ATP6V1E2: variants seen among roughly 807,000 people sequenced by gnomAD.
ATP6V1E2 encodes V-type proton ATPase subunit E 2.
For missense variants in ATP6V1E2, 308 were observed against 273.3 expected, an observed-to-expected ratio of 1.13 and a Z score of -0.90; for synonymous variants, 121 against 104.2, an observed-to-expected ratio of 1.16 and a Z score of -0.98.
intron 4 of ATP6V1E2, among the ~76,000 whole-genome samples, chr2:46,528,610 C>T (rs553867617): frequency 1.9e-4 from 29 of 152,350 alleles, no homozygotes; most frequent in African/African-American, 5.1e-4. Flanking sequence ...CTCCCTCTGC[C>T]TTGGAGGCTC....
intron 4 of ATP6V1E2, among the ~76,000 whole-genome samples, chr2:46,518,039 TG>T (rs1187410779): frequency 6.6e-6 from 1 of 152,142 alleles, no homozygotes; most frequent in Non-Finnish European, 1.5e-5. Context: ...CTTGAAGAAA[TG>T]TTTGCACACC....
chr2:46,524,121 AGT>A (rs1230824661), intron 4 of ATP6V1E2, among the ~76,000 whole-genome samples: 1 of 151,320 alleles, frequency 6.6e-6, no homozygotes, highest in African/African-American at 2.5e-5. Flanking sequence ...CAATTCGACA[AGT>A]TTTTGGGCTG....
chr2:46,518,274 T>A (rs1384261053), intron 4 of ATP6V1E2, among the ~76,000 whole-genome samples: 3 of 152,140 alleles, frequency 2.0e-5, no homozygotes, highest in Admixed American at 2.0e-4. Context: ...ATGATTCCAC[T>A]TATGGGATAT....
intron 2 of ATP6V1E2, among the ~76,000 whole-genome samples, chr2:46,540,443 A>AAAAG (rs1322145870): frequency 2.4e-4 from 36 of 150,782 alleles, no homozygotes; most frequent in African/African-American, 8.3e-4. Context: ...TCTCAAAAAA[A>AAAAG]AAAAAAAGAA....
chr2:46,542,532 G>A lies in ATP6V1E2; in HGVS notation c.-689C>T, dbSNP rs1203026168. On this transcript the variant is annotated 5_prime_UTR_variant, in exon 1 of 5. Coordinates refer to ENST00000522587, the MANE Select transcript of ATP6V1E2 (RefSeq NM_001318063.2). ...TCCGCGCGGCCCTCGCAGGGAGTGGGGCTCGGGTGCGCCGGCAGGGCCGCG... is the reference window on the plus strand; with the variant it reads ...TCCGCGCGGCCCTCGCAGGGAGTGGAGCTCGGGTGCGCCGGCAGGGCCGCG... The A allele has an allele frequency of 6.7e-6, 1 of 149,148 alleles. No individual in the cohort carries two copies. Among genetic ancestry groups the A allele is most frequent in the Non-Finnish European group, 1.5e-5 (1 of 67,330 alleles). The allele number at this position is 149,148 out of a possible 1,614,324, so 9.2% of individuals were successfully genotyped here.
chr2:46,538,948 GAC>G (rs1230378446), intron 2 of ATP6V1E2, among the ~76,000 whole-genome samples: 1 of 152,054 alleles, frequency 6.6e-6, no homozygotes, highest in Non-Finnish European at 1.5e-5. Flanking sequence ...CAGCCTGGGT[GAC>G]AGAGTGAGAC....
chr2:46,514,139 G>A (rs368785589), intron 4 of ATP6V1E2, among the ~76,000 whole-genome samples: 1 of 151,968 alleles, frequency 6.6e-6, no homozygotes, highest in African/African-American at 2.4e-5. Flanking sequence ...AATTAGCTGG[G>A]TGTGGTGGTG....
rs1235243049 is a variant in ATP6V1E2 at position 46,511,906 on chromosome 2, T to A, written c.*125A>T. 2.4e-6 allele frequency: 2 copies of A among 845,148 alleles called. No homozygotes were observed. Among genetic ancestry groups the A allele is most frequent in the African/African-American group, 3.5e-5 (2 of 57,876 alleles). 52.4% of individuals were successfully genotyped at this position (845,148 alleles called of 1,614,324 possible). A position where few individuals can be genotyped will look rare whatever the true frequency, so the allele number is the denominator to read the frequency against. On this transcript the variant is annotated 3_prime_UTR_variant, in exon 5 of 5. Transcript: ENST00000522587. Reference sequence around the variant, plus strand: ...AACACTTTAGCTATCCAAAGGGTATTTCGTGAAGAAAAACAGAACAGTATC... The same window carrying A: ...AACACTTTAGCTATCCAAAGGGTATATCGTGAAGAAAAACAGAACAGTATC...
At chr2:46,541,221 C>A (rs1436971666) in intron 2 of ATP6V1E2, among the ~76,000 whole-genome samples, 169 bp downstream of exon 2, 3 of 152,224 alleles carry the variant, frequency 2.0e-5, no homozygotes, top group African/African-American at 7.2e-5. Context: ...CAGGAACTGA[C>A]CTTAAGGCAC....
chr2:46,512,533 T>C lies in ATP6V1E2; in HGVS notation c.179A>G (p.Lys60Arg), dbSNP rs1415906177. 5 of 1,614,166 alleles carry C rather than the reference T, an allele frequency of 3.1e-6. No homozygotes were observed. Among genetic ancestry groups the C allele is most frequent in the Non-Finnish European group, 4.2e-6 (5 of 1,180,030 alleles). ...RLKIMEYYEK[K>R]EKQIEQQKKI... ...CTTCTGCTGCTCTATCTGCTTCTCC[T>C]TTTTCTCATAATACTCCATAATCTT... Residue 60 changes from lysine to arginine, a missense_variant, in exon 5 of 5, where the codon AAG becomes AGG. Coordinates refer to ENST00000522587, the MANE Select transcript of ATP6V1E2 (RefSeq NM_001318063.2).
intron 4 of ATP6V1E2, chr2:46,534,849 T>C (rs1307743814): frequency 1.3e-5 from 2 of 152,214 alleles, no homozygotes; most frequent in Non-Finnish European, 2.9e-5. Context: ...ACTCAAACAT[T>C]GCCCAGTGAG....
chr2:46,536,386 G>GT (rs1211299082), intron 3 of ATP6V1E2, among the ~76,000 whole-genome samples: 1 of 152,222 alleles, frequency 6.6e-6, no homozygotes, highest in Non-Finnish European at 1.5e-5. Flanking sequence ...CTACACTGGA[G>GT]TGCAAAGAGA....
At chr2:46,538,505 G>C (rs28758711) in intron 2 of ATP6V1E2, among the ~76,000 whole-genome samples, 1 of 147,436 alleles carries the variant, frequency 6.8e-6, no homozygotes, top group Non-Finnish European at 1.5e-5. Context: ...AAAAAAAAAA[G>C]GGGAAGATTT....
chr2:46,529,974 T>C (rs1667108754), intron 4 of ATP6V1E2, among the ~76,000 whole-genome samples: 1 of 152,072 alleles, frequency 6.6e-6, no homozygotes, highest in African/African-American at 2.4e-5. Flanking sequence ...GGGTAGGAAA[T>C]GTTTTCGAAC....
chr2:46,525,846 A>G (rs991829253), intron 4 of ATP6V1E2, among the ~76,000 whole-genome samples: 3 of 152,010 alleles, frequency 2.0e-5, no homozygotes, highest in African/African-American at 7.3e-5. Flanking sequence ...GTTCTCCCCA[A>G]GAGTCATTTG....
At chr2:46,524,071 C>T (rs1010777469) in intron 4 of ATP6V1E2, among the ~76,000 whole-genome samples, 2 of 151,070 alleles carry the variant, frequency 1.3e-5, no homozygotes, top group Non-Finnish European at 2.9e-5. Context: ...TGTTTTTGCA[C>T]ATTGATTTTG....
At chr2:46,517,691 C>A (rs1473612816) in intron 4 of ATP6V1E2, among the ~76,000 whole-genome samples, 1 of 152,154 alleles carries the variant, frequency 6.6e-6, no homozygotes, top group African/African-American at 2.4e-5. Context: ...CCTGAGTAGA[C>A]ATTTCTCTAA....
At chr2:46,528,342 T>A (rs1004740044) in intron 4 of ATP6V1E2, among the ~76,000 whole-genome samples, 1 of 152,236 alleles carries the variant, frequency 6.6e-6, no homozygotes, top group Non-Finnish European at 1.5e-5. Flanking sequence ...TCTTGGAAGG[T>A]CTCATGTACC....
chr2:46,529,709 T>G (rs1035205447), intron 4 of ATP6V1E2, among the ~76,000 whole-genome samples: 2 of 152,190 alleles, frequency 1.3e-5, no homozygotes, highest in East Asian at 3.8e-4. Flanking sequence ...TGAGCCGTGA[T>G]TGTGCCACTG....
Sources: allele counts gnomAD v4.1 joint callset (sites outside exome capture counted in the v4.1 genomes callset), GRCh38; gene constraint gnomAD v4.1.1; transcripts MANE v1.5; gene names NCBI Gene and HGNC (gene_info 2026-07-23, HGNC 2026-07-21).